The following FAM114A1 variants were observed in gnomAD, a reference collection of about 807,000 sequenced individuals.
FAM114A1 encodes the protein family with sequence similarity 114 member A1.
A neutral mutation model predicts 64.3 loss-of-function variants in FAM114A1; 62 were observed. That is an observed-to-expected ratio of 0.96 (90% CI 0.79 to 1.19). The LOEUF is 1.19. FAM114A1 is among the 50% of genes most tolerant of loss of function. The probability of loss-of-function intolerance (pLI) is 0.00; values close to 1 mark genes in which losing one functional copy is unlikely to be tolerated. For synonymous variants in FAM114A1, 254 were observed against 251.1 expected (o/e 1.01, Z -0.11); for missense variants, 645 against 676.3 (o/e 0.95, Z 0.51).
Position 38,878,279 on chromosome 4 carries a change from G to C in FAM114A1, c.201G>C (p.Gly67=), listed in dbSNP as rs1560286308. ...AVQGAGAAAI[G]PPVQPQDANA... is the part of the protein sequence containing the mutation. ...AGGGTGCAGGGGCTGCCGCCATTGG[G>C]CCCCCTGTGCAGCCTCAGGATGCCA... The change falls in exon 3 of 15, where the codon GGG becomes GGC. Residue 67 remains glycine (G), a synonymous_variant. Coordinates refer to ENST00000358869, the MANE Select transcript of FAM114A1 (RefSeq NM_138389.4). 6.2e-7 allele frequency: 1 copy of C among 1,614,176 alleles called. No individual in the cohort carries two copies. The highest frequency in any genetic ancestry group is 1.1e-5 in the South Asian group (1 of 91,084).
intron 9 of FAM114A1, among the ~76,000 whole-genome samples, chr4:38,928,224 G>A (rs1720324621): frequency 6.6e-6 from 1 of 152,080 alleles, no homozygotes; most frequent in Non-Finnish European, 1.5e-5. Context: ...TTCCCCCACT[G>A]GCATAAGCCA....
intron 12 of FAM114A1, 40 bp downstream of exon 12, chr4:38,932,414 T>C (rs1720729069): frequency 3.2e-6 from 5 of 1,546,032 alleles, no homozygotes; most frequent in Non-Finnish European, 4.4e-6. Context: ...TTCCCAGTTT[T>C]ATATATAGGT....
intron 3 of FAM114A1, among the ~76,000 whole-genome samples, chr4:38,882,945 A>G (rs1389226572): frequency 6.6e-6 from 1 of 152,204 alleles, no homozygotes; most frequent in African/African-American, 2.4e-5. Flanking sequence ...TTTAAGGACC[A>G]CACCATTTAT....
chr4:38,871,082 CTTTCTT>C (rs1271265078), intron 2 of FAM114A1, among the ~76,000 whole-genome samples: 1 of 125,350 alleles, frequency 8.0e-6, no homozygotes, highest in African/African-American at 3.0e-5. Context: ...TCTTTTTTTT[CTTTCTT>C]TTTTTTTTTT....
At chr4:38,939,871 C>A (rs1266488623) in intron 13 of FAM114A1, among the ~76,000 whole-genome samples, 1 of 149,604 alleles carries the variant, frequency 6.7e-6, no homozygotes, top group Non-Finnish European at 1.5e-5. Context: ...ACCAACTCTG[C>A]CTTTCACTTT....
At chr4:38,934,568 T>C (rs1720924578) in intron 12 of FAM114A1, among the ~76,000 whole-genome samples, 1 of 152,242 alleles carries the variant, frequency 6.6e-6, no homozygotes, top group Non-Finnish European at 1.5e-5. Context: ...TTTTAATCAC[T>C]ATTCATGAGT....
intron 6 of FAM114A1, among the ~76,000 whole-genome samples, chr4:38,907,889 TGTGA>T (rs1718175200): frequency 1.3e-5 from 2 of 152,196 alleles, no homozygotes; most frequent in African/African-American, 2.4e-5. Flanking sequence ...ATAGTTTATG[TGTGA>T]GTAAGTCTGG....
At chr4:38,879,690 C>A (rs1259554248) in intron 3 of FAM114A1, among the ~76,000 whole-genome samples, 1 of 151,546 alleles carries the variant, frequency 6.6e-6, no homozygotes, top group East Asian at 1.9e-4. Flanking sequence ...AATTTGAGGA[C>A]CAGCTGGGAG....
intron 4 of FAM114A1, among the ~76,000 whole-genome samples, chr4:38,896,270 C>A (rs112491397): frequency 5.2e-4 from 79 of 152,248 alleles, no homozygotes; most frequent in African/African-American, 1.0e-3. Flanking sequence ...CCTCCTCCCC[C>A]CAAAATGAAT....
intron 3 of FAM114A1, among the ~76,000 whole-genome samples, chr4:38,888,710 C>A (rs373746455): frequency 6.6e-6 from 1 of 152,058 alleles, no homozygotes; most frequent in Non-Finnish European, 1.5e-5. Flanking sequence ...CATCTGATGG[C>A]TTTTTTTCCT....
In FAM114A1 at chr4:38,893,353, G is replaced by A. The variant is rs1005387910; in HGVS notation, c.436+1523G>A. Among the ~76,000 whole-genome samples the A allele has an allele frequency of 9.2e-5, 14 of 152,322 alleles. No homozygotes were observed. In the South Asian group the frequency reaches 1.2e-3, roughly 14 times the overall value. ...TCACTAAAATTATACAGCTCTTCTC[G>A]TGGTTTATATCATAAAACAGTCATG... On this transcript the variant is annotated intron_variant, in intron 4 of 14. Coordinates refer to ENST00000358869, the MANE Select transcript of FAM114A1 (RefSeq NM_138389.4).
At chr4:38,932,426 C>T (rs759902810) in intron 12 of FAM114A1, 52 bp downstream of exon 12, 1 of 1,510,626 alleles carries the variant, frequency 6.6e-7, no homozygotes, top group South Asian at 1.3e-5. Flanking sequence ...TATATAGGTA[C>T]CATTCAGATA....
intron 9 of FAM114A1, chr4:38,929,032 A>G (rs1475618137): frequency 1.9e-6 from 1 of 529,352 alleles, no homozygotes; most frequent in Admixed American, 3.1e-5. Context: ...CCAAACAGCA[A>G]GACTTCAGCG....
chr4:38,878,554 T>C, intron 3 of FAM114A1, 128 bp downstream of exon 3: 1 of 696,850 alleles, frequency 1.4e-6, no homozygotes, highest in South Asian at 2.0e-5. Context: ...CCCTCTGTCA[T>C]CAGAAATGTG....
intron 2 of FAM114A1, among the ~76,000 whole-genome samples, chr4:38,872,486 C>T (rs1444476092): frequency 6.6e-6 from 1 of 152,014 alleles, no homozygotes; most frequent in Non-Finnish European, 1.5e-5. Context: ...CCTAATAATC[C>T]AGATTAATAA....
At chr4:38,877,082 T>C (rs1311763700) in intron 2 of FAM114A1, among the ~76,000 whole-genome samples, 1 of 152,144 alleles carries the variant, frequency 6.6e-6, no homozygotes, top group Non-Finnish European at 1.5e-5. Flanking sequence ...GTTCCAGGAA[T>C]TGGGATGTGG....
chr4:38,882,178 G>A (rs573367108), intron 3 of FAM114A1, among the ~76,000 whole-genome samples: 1 of 146,628 alleles, frequency 6.8e-6, no homozygotes, highest in South Asian at 2.1e-4. Context: ...CGGGCGCGGT[G>A]GTGGGCGCCT....
rs1374622510 is a variant in FAM114A1 at position 38,905,761 on chromosome 4, A to G, written c.557A>G (p.Asp186Gly). ...ATTTCTTTTTTCTCTTTAGTAACAG[A>G]TGCAGCCACAGATCAGGGCCCTGCA... ...NTENGVPEIT[D>G]AATDQGPAES... is the part of the protein sequence containing the mutation. The change falls in exon 6 of 15, where the codon GAT becomes GGT. Residue 186 changes from aspartate (D) to glycine (G), a missense_variant. Asp to Gly is a moderately conservative substitution (Grantham distance 94). Transcript: ENST00000358869. 6.2e-7 allele frequency: 1 copy of G among 1,612,492 alleles called. No homozygotes were observed. The highest frequency in any genetic ancestry group is 8.5e-7 in the Non-Finnish European group (1 of 1,179,608).
At chr4:38,934,952 T>C (rs1720958863) in intron 12 of FAM114A1, among the ~76,000 whole-genome samples, 2 of 152,098 alleles carry the variant, frequency 1.3e-5, no homozygotes, top group Admixed American at 6.5e-5. Flanking sequence ...TTTGCTCTTG[T>C]TGCCCAGGCT....
Sources: gnomAD v4.1 joint callset for allele counts (sites outside exome capture counted in the v4.1 genomes callset) on GRCh38, gnomAD v4.1.1 for gene constraint, MANE v1.5 for transcripts, NCBI Gene and HGNC (gene_info 2026-07-23, HGNC 2026-07-21) for gene names.